Variants in CDH13 observed in about 807,000 individuals in gnomAD.
CDH13 encodes the protein cadherin 13, also known as cadherin-13.
CDH13 carries 24 observed loss-of-function variants against 63.8 expected under a neutral mutation model. The observed-to-expected ratio is 0.38, with a 90% CI of 0.27 to 0.53. The LOEUF is 0.53. Ranked by LOEUF, CDH13 falls within the 20% of genes least tolerant of loss-of-function variation. The pLI is 0.85. For missense variants in CDH13, 1,049 were observed against 903.1 expected, an observed-to-expected ratio of 1.16 and a Z score of -2.07; for synonymous variants, 503 against 355.3, an observed-to-expected ratio of 1.42 and a Z score of -4.67.
intron 1 of CDH13, among the ~76,000 whole-genome samples, chr16:82,856,902 A>G (rs960553981): frequency 6.6e-6 from 1 of 152,070 alleles, no homozygotes; most frequent in African/African-American, 2.4e-5. Context: ...ATCTCACCAG[A>G]GGGGTGAGGG....
chr16:83,675,435 G>T (rs1053568148), intron 9 of CDH13, among the ~76,000 whole-genome samples: 2 of 152,146 alleles, frequency 1.3e-5, no homozygotes, highest in African/African-American at 4.8e-5. Context: ...TTCCTGCATG[G>T]CATAGTTCCT....
chr16:83,216,875 C>A (rs559456780), intron 4 of CDH13, among the ~76,000 whole-genome samples: 1 of 151,798 alleles, frequency 6.6e-6, no homozygotes, highest in South Asian at 2.1e-4. Flanking sequence ...TCCTCTGCAC[C>A]ATGCCTAGTA....
intron 6 of CDH13, among the ~76,000 whole-genome samples, chr16:83,468,147 T>C (rs888960997): frequency 6.6e-6 from 1 of 152,178 alleles, no homozygotes; most frequent in Non-Finnish European, 1.5e-5. Flanking sequence ...GTCCATGTGA[T>C]CTGATTTGGA....
chr16:83,194,666 A>T (rs1364646844), intron 4 of CDH13, among the ~76,000 whole-genome samples: 1 of 152,204 alleles, frequency 6.6e-6, no homozygotes, highest in Non-Finnish European at 1.5e-5. Flanking sequence ...TTTCTTTAGG[A>T]TGAAAAGAGA....
intron 5 of CDH13, among the ~76,000 whole-genome samples, chr16:83,245,816 C>A (rs1904933198): frequency 6.6e-6 from 1 of 152,042 alleles, no homozygotes; most frequent in Non-Finnish European, 1.5e-5. Flanking sequence ...GATCATGGCT[C>A]ACTGCAGCCA....
At chr16:83,714,318 A>C (rs1349850922) in intron 10 of CDH13, among the ~76,000 whole-genome samples, 1 of 152,218 alleles carries the variant, frequency 6.6e-6, no homozygotes, top group African/African-American at 2.4e-5. Context: ...TATCGGTAGA[A>C]ATACTTAATA....
chr16:83,517,394 TG>T (rs1269731342), intron 7 of CDH13, among the ~76,000 whole-genome samples: 1 of 152,242 alleles, frequency 6.6e-6, no homozygotes, highest in Non-Finnish European at 1.5e-5. Flanking sequence ...GATTCCAACA[TG>T]GGTCTGCTGG....
At chr16:83,053,065 T>C (rs529285977) in intron 3 of CDH13, among the ~76,000 whole-genome samples, 1 of 152,242 alleles carries the variant, frequency 6.6e-6, no homozygotes, top group Admixed American at 6.5e-5. Flanking sequence ...GGAATAAAAA[T>C]AGTACGAATT....
At chr16:82,944,116 C>T (rs1417381224) in intron 2 of CDH13, among the ~76,000 whole-genome samples, 4 of 152,202 alleles carry the variant, frequency 2.6e-5, no homozygotes, top group Non-Finnish European at 5.9e-5. Flanking sequence ...TAATTCATTA[C>T]TGTCATTAGA....
At chr16:83,627,015 G>T (rs1003739801) in intron 8 of CDH13, among the ~76,000 whole-genome samples, 1 of 151,954 alleles carries the variant, frequency 6.6e-6, no homozygotes, top group Non-Finnish European at 1.5e-5. Flanking sequence ...AGGCGTTGTG[G>T]CTCATGCCTG....
intron 3 of CDH13, among the ~76,000 whole-genome samples, chr16:83,085,102 A>T (rs1157622953): frequency 6.6e-6 from 1 of 152,030 alleles, no homozygotes; most frequent in Non-Finnish European, 1.5e-5. Context: ...ATAGAGACAT[A>T]GCTGAGACTG....
chr16:83,281,052 A>G (rs2089155596), intron 5 of CDH13, among the ~76,000 whole-genome samples: 1 of 152,192 alleles, frequency 6.6e-6, no homozygotes, highest in Non-Finnish European at 1.5e-5. Context: ...GAGTCTGCCT[A>G]TTCTTTGAAG....
intron 11 of CDH13, among the ~76,000 whole-genome samples, chr16:83,770,465 G>A (rs1368144943): frequency 1.3e-5 from 2 of 152,176 alleles, no homozygotes; most frequent in African/African-American, 4.8e-5. Context: ...TCCCGATCCA[G>A]ACTCCAAGAG....
At chr16:82,823,069 T>A (rs1320057767) in intron 1 of CDH13, 3 of 152,220 alleles carry the variant, frequency 2.0e-5, no homozygotes. Context: ...GGCTTACAGG[T>A]AGCTGTATGT....
At chr16:83,076,483 T>G (rs891026861) in intron 3 of CDH13, among the ~76,000 whole-genome samples, 3 of 152,184 alleles carry the variant, frequency 2.0e-5, no homozygotes, top group Non-Finnish European at 4.4e-5. Flanking sequence ...AAATCATTTC[T>G]GAACCGTGAC....
intron 6 of CDH13, among the ~76,000 whole-genome samples, chr16:83,440,740 G>A (rs1386177918): frequency 6.8e-6 from 1 of 147,312 alleles, no homozygotes; most frequent in African/African-American, 2.5e-5. Flanking sequence ...AGTTGAGACT[G>A]AGCCACCGCA....
chr16:83,337,970 C>A (rs879805110), intron 5 of CDH13, among the ~76,000 whole-genome samples: 2 of 151,958 alleles, frequency 1.3e-5, no homozygotes, highest in Non-Finnish European at 2.9e-5. Context: ...AAACATTCAG[C>A]AAGTGTGAGC....
intron 10 of CDH13, among the ~76,000 whole-genome samples, chr16:83,700,570 C>A (rs994488907): frequency 1.3e-5 from 2 of 152,192 alleles, no homozygotes; most frequent in African/African-American, 4.8e-5. Flanking sequence ...AGGTGAACTG[C>A]TAAAAAGTTG....
intron 4 of CDH13, among the ~76,000 whole-genome samples, chr16:83,160,296 G>C (rs186886223): frequency 9.3e-4 from 142 of 152,180 alleles, no homozygotes; most frequent in Admixed American, 4.1e-3. Context: ...GGAGGTATAT[G>C]AGAAATCTCT....
Sources: gnomAD v4.1 joint callset for allele counts (sites outside exome capture counted in the v4.1 genomes callset) on GRCh38, gnomAD v4.1.1 for gene constraint, MANE v1.5 for transcripts, NCBI Gene and HGNC (gene_info 2026-07-23, HGNC 2026-07-21) for gene names.